CSMD1: variants seen among roughly 807,000 people sequenced by gnomAD.
The protein encoded by CSMD1 is CUB and Sushi multiple domains 1, also known as CUB and sushi domain-containing protein 1.
Under a neutral mutation model 417.5 loss-of-function variants are expected in CSMD1, and 213 were observed. That is an observed-to-expected ratio of 0.51 (90% CI 0.46 to 0.57). The LOEUF (loss-of-function observed/expected upper bound fraction) is 0.57. Ranked by LOEUF, CSMD1 falls within the 20% of genes least tolerant of loss-of-function variation. The pLI is 0.00. For synonymous variants in CSMD1, 2,862 were observed against 1,736.8 expected, an observed-to-expected ratio of 1.65 and a Z score of -16.11; for missense variants, 6,923 against 4,529.7, an observed-to-expected ratio of 1.53 and a Z score of -15.17.
intron 7 of CSMD1, among the ~76,000 whole-genome samples, chr8:3,674,404 C>T (rs1397773560): frequency 6.6e-6 from 1 of 152,176 alleles, no homozygotes; most frequent in East Asian, 1.9e-4. Flanking sequence ...AAGCATTTCT[C>T]ATTCAAATCA....
chr8:4,161,702 C>T (rs903885381), intron 3 of CSMD1, among the ~76,000 whole-genome samples: 5 of 152,118 alleles, frequency 3.3e-5, no homozygotes, highest in Non-Finnish European at 7.4e-5. Context: ...AAATCTGCCA[C>T]GAATCATAAG....
chr8:3,929,261 G>A (rs1809970689), intron 5 of CSMD1, among the ~76,000 whole-genome samples: 1 of 150,372 alleles, frequency 6.7e-6, no homozygotes, highest in African/African-American at 2.5e-5. Context: ...TGGACAGGAT[G>A]ATTTTCCCCC....
At position 4,275,342 on chromosome 8, in the gene CSMD1, G is replaced by T. The variant is rs538340226; in HGVS notation, c.415+144611C>A. On this transcript the variant is annotated intron_variant, in intron 3 of 69. Coordinates refer to ENST00000635120, the MANE Select transcript of CSMD1 (RefSeq NM_033225.6). ...TATAAAGCTTCTGTGTTGTGTATTT[G>T]TTGGAAGAAACTCAGTGCCAAGATT... 5.3e-5 allele frequency among the ~76,000 whole-genome samples: 8 copies of T among 152,208 alleles called. 1 individual carries two copies. Among genetic ancestry groups the T allele is most frequent in the Middle Eastern group, 3.4e-3 (1 of 294 alleles).
chr8:3,456,301 G>C (rs1465718409), intron 12 of CSMD1, among the ~76,000 whole-genome samples: 1 of 151,964 alleles, frequency 6.6e-6, no homozygotes, highest in East Asian at 1.9e-4. Flanking sequence ...CATGCTTTGT[G>C]TGCTGCACCC....
intron 12 of CSMD1, among the ~76,000 whole-genome samples, chr8:3,409,821 A>G (rs546464719): frequency 2.0e-5 from 3 of 152,248 alleles, no homozygotes; most frequent in Non-Finnish European, 4.4e-5. Context: ...TTAATTTGCT[A>G]TCTTTTAAGG....
chr8:4,383,938 G>A (rs78073494), intron 3 of CSMD1, among the ~76,000 whole-genome samples: 485 of 152,228 alleles, frequency 3.2e-3, no homozygotes, highest in African/African-American at 0.011. Flanking sequence ...GAAGAAAAAT[G>A]CGTTCTCTTT....
At chr8:4,101,683 G>A (rs934177321) in intron 3 of CSMD1, among the ~76,000 whole-genome samples, 1 of 152,174 alleles carries the variant, frequency 6.6e-6, no homozygotes, top group Non-Finnish European at 1.5e-5. Context: ...TGAAAGTGAT[G>A]GTAACCAAAT....
chr8:3,771,275 C>T (rs1798559259), intron 5 of CSMD1, among the ~76,000 whole-genome samples: 2 of 152,100 alleles, frequency 1.3e-5, no homozygotes, highest in African/African-American at 4.8e-5. Context: ...AGGTTAGGTC[C>T]AGAGGCTGCA....
At chr8:3,490,351 C>G (rs1003193215) in intron 11 of CSMD1, among the ~76,000 whole-genome samples, 19 of 152,132 alleles carry the variant, frequency 1.2e-4, no homozygotes, top group African/African-American at 4.6e-4. Context: ...GCTTTCTTAA[C>G]AACAAATAGC....
chr8:2,955,442 G>A (rs1258637871), intron 64 of CSMD1, 147 bp downstream of exon 64: 8 of 659,502 alleles, frequency 1.2e-5, no homozygotes, highest in South Asian at 6.3e-5. Context: ...CACAGCTCAC[G>A]CACATGAAGC....
intron 1 of CSMD1, among the ~76,000 whole-genome samples, chr8:4,711,943 T>C (rs560378626): frequency 2.6e-5 from 4 of 152,318 alleles, no homozygotes; most frequent in East Asian, 3.9e-4. Context: ...CTGGCTACTG[T>C]GCACATCTCA....
chr8:4,381,679 G>T (rs1803112454), intron 3 of CSMD1, among the ~76,000 whole-genome samples: 1 of 152,164 alleles, frequency 6.6e-6, no homozygotes, highest in South Asian at 2.1e-4. Context: ...GTGTTGTGTG[G>T]GAGAAGCAGA....
intron 1 of CSMD1, among the ~76,000 whole-genome samples, chr8:4,713,284 T>A (rs1393577059): frequency 6.6e-6 from 1 of 152,258 alleles, no homozygotes; most frequent in African/African-American, 2.4e-5. Flanking sequence ...GTAGTTTAAG[T>A]TGGTTTTTGG....
chr8:3,501,039 TATTA>T (rs1260174841), intron 10 of CSMD1, among the ~76,000 whole-genome samples: 6 of 152,150 alleles, frequency 3.9e-5, no homozygotes, highest in Admixed American at 2.6e-4. Context: ...CTTGACAAAA[TATTA>T]ATTTATAAAC....
chr8:3,653,719 A>C (rs565779165), intron 7 of CSMD1, among the ~76,000 whole-genome samples: 209 of 152,144 alleles, frequency 1.4e-3, no homozygotes, highest in African/African-American at 4.8e-3. Context: ...AGGAATGAGG[A>C]CTCTAGTGAA....
intron 26 of CSMD1, among the ~76,000 whole-genome samples, chr8:3,244,636 T>A (rs528007295): frequency 6.6e-6 from 1 of 152,192 alleles, no homozygotes; most frequent in Non-Finnish European, 1.5e-5. Flanking sequence ...GGTGAAACAT[T>A]TTGGGGGCAG....
intron 5 of CSMD1, among the ~76,000 whole-genome samples, chr8:3,903,605 C>T (rs1807912543): frequency 6.6e-6 from 1 of 152,140 alleles, no homozygotes; most frequent in Non-Finnish European, 1.5e-5. Flanking sequence ...TAGTTCACTA[C>T]TCTATTTGGC....
chr8:4,583,568 A>G (rs903955043), intron 2 of CSMD1, among the ~76,000 whole-genome samples: 2 of 150,796 alleles, frequency 1.3e-5, no homozygotes, highest in Non-Finnish European at 2.9e-5. Flanking sequence ...AGCACCCTGT[A>G]TTTACCTCAA....
In CSMD1 at chr8:3,928,075, G is replaced by T. The variant is rs549973533; in HGVS notation, c.818+69828C>A. ...CTTAAATTTCCCCACTTTATTCAAG[G>T]AGGCCTGAGTTTATGAAAGTATAAA... On this transcript the variant is annotated intron_variant, in intron 5 of 69. Coordinates refer to ENST00000635120, the MANE Select transcript of CSMD1 (RefSeq NM_033225.6). 3.3e-5 allele frequency among the ~76,000 whole-genome samples: 5 copies of T among 152,120 alleles called. No homozygotes were observed. In the South Asian group the frequency reaches 1.0e-3, roughly 32 times the overall value.
Sources: allele counts gnomAD v4.1 joint callset (sites outside exome capture counted in the v4.1 genomes callset), GRCh38; gene constraint gnomAD v4.1.1; transcripts MANE v1.5; gene names NCBI Gene and HGNC (gene_info 2026-07-23, HGNC 2026-07-21).